The following AGPS variants were observed in gnomAD, a reference collection of about 807,000 sequenced individuals.
The protein encoded by AGPS is alkylglycerone phosphate synthase.
In AGPS, 26 loss-of-function variants were observed where a neutral mutation model predicts 90.7. The ratio of observed to expected loss-of-function variants is 0.29; its 90% CI spans 0.21 to 0.40. The LOEUF (loss-of-function observed/expected upper bound fraction) is 0.40. Among genes scored for constraint, AGPS ranks in the 10% least tolerant of loss-of-function variants. The pLI is 1.00. For missense variants in AGPS, 540 were observed against 816.1 expected (o/e 0.66, Z 4.12); for synonymous variants, 294 against 285.3 (o/e 1.03, Z -0.31).
At chr2:177,521,149 G>A (rs1689180391) in intron 17 of AGPS, 120 bp from the exon 18 acceptor site, 3 of 899,932 alleles carry the variant, frequency 3.3e-6, no homozygotes, top group Non-Finnish European at 5.4e-6. Flanking sequence ...TAGAGGCTGG[G>A]AAGAAACTGA....
intron 17 of AGPS, among the ~76,000 whole-genome samples, chr2:177,514,633 A>C (rs1331820313): frequency 6.6e-6 from 1 of 152,104 alleles, no homozygotes; most frequent in African/African-American, 2.4e-5. Context: ...TGCTAATTGT[A>C]TGTGTGTGTG....
chr2:177,416,044 C>A (rs1685775492), intron 1 of AGPS, among the ~76,000 whole-genome samples: 1 of 151,908 alleles, frequency 6.6e-6, no homozygotes, highest in African/African-American at 2.4e-5. Context: ...ATCATTTTTT[C>A]CTTTTCCTTA....
chr2:177,504,322 A>ATTT (rs10696203), intron 14 of AGPS, among the ~76,000 whole-genome samples: 127,743 of 151,762 alleles, frequency 0.84, 53,950 homozygotes, highest in East Asian at 0.95. Context: ...TGAAACTTGG[A>ATTT]GGCTTTCTAC....
intron 2 of AGPS, among the ~76,000 whole-genome samples, chr2:177,421,291 T>C: frequency 6.6e-6 from 1 of 152,048 alleles, no homozygotes; most frequent in Middle Eastern, 3.2e-3. Context: ...TATTCCAGTA[T>C]TGTACCCTGA....
intron 1 of AGPS, chr2:177,393,395 G>T: frequency 1.0e-6 from 1 of 985,362 alleles, no homozygotes; most frequent in Non-Finnish European, 1.2e-6. Context: ...TCTTGGAATG[G>T]GTAGCAGAGG....
chr2:177,397,973 A>G (rs892604698), intron 1 of AGPS, among the ~76,000 whole-genome samples: 6 of 152,190 alleles, frequency 3.9e-5, no homozygotes, highest in Non-Finnish European at 7.3e-5. Context: ...CAGAGGTTGC[A>G]GTGAGCTGAG....
At chr2:177,420,088 A>T (rs1685902650) in intron 1 of AGPS, among the ~76,000 whole-genome samples, 181 bp from the exon 2 acceptor site, 1 of 151,820 alleles carries the variant, frequency 6.6e-6, no homozygotes, top group Admixed American at 6.6e-5. Flanking sequence ...CATCAGAGTG[A>T]TTCTATATTC....
chr2:177,431,007 A>G (rs1686226674), intron 2 of AGPS, among the ~76,000 whole-genome samples: 1 of 152,190 alleles, frequency 6.6e-6, no homozygotes, highest in African/African-American at 2.4e-5. Flanking sequence ...TTGCTTAGCA[A>G]TTGTGGAACT....
chr2:177,442,573 G>C, intron 7 of AGPS, 87 bp downstream of exon 7: 1 of 1,101,684 alleles, frequency 9.1e-7, no homozygotes, highest in South Asian at 1.3e-5. Flanking sequence ...GCCACTGGGC[G>C]CTGTGGCTCA....
intron 10 of AGPS, among the ~76,000 whole-genome samples, chr2:177,469,340 A>G (rs1350190561): frequency 6.6e-6 from 1 of 152,198 alleles, no homozygotes; most frequent in East Asian, 1.9e-4. Context: ...TGAATAAAAG[A>G]GCAGGTACAA....
chr2:177,404,083 T>C (rs1031016006), intron 1 of AGPS, among the ~76,000 whole-genome samples: 1 of 152,200 alleles, frequency 6.6e-6, no homozygotes, highest in Non-Finnish European at 1.5e-5. Context: ...AATAAAAAAT[T>C]GAAAATCATC....
At chr2:177,434,583 A>G (rs935943917) in intron 3 of AGPS, among the ~76,000 whole-genome samples, 166 bp downstream of exon 3, 2 of 152,170 alleles carry the variant, frequency 1.3e-5, no homozygotes, top group African/African-American at 4.8e-5. Context: ...AGCGGCAGTT[A>G]TTCATTGTCA....
rs150798695 is a variant in AGPS at position 177,422,547 on chromosome 2, C to A, written c.350+2189C>A. On this transcript the variant is annotated intron_variant, in intron 2 of 19. Coordinates refer to ENST00000264167, the MANE Select transcript of AGPS (RefSeq NM_003659.4). Reference sequence around the variant, plus strand: ...TGACTGGAAGAGCCTGCAAGGGAGACCAGGAAAGTGAATATCTGGCAAATT... The same window carrying A: ...TGACTGGAAGAGCCTGCAAGGGAGAACAGGAAAGTGAATATCTGGCAAATT... Among the ~76,000 whole-genome samples the A allele has an allele frequency of 9.9e-5, 15 of 152,186 alleles. 1 individual carries two copies. In the East Asian group the frequency reaches 2.9e-3, roughly 29 times the overall value.
intron 6 of AGPS, among the ~76,000 whole-genome samples, chr2:177,441,814 TAAGAC>T (rs1438613065): frequency 6.6e-6 from 1 of 152,232 alleles, no homozygotes; most frequent in African/African-American, 2.4e-5. Flanking sequence ...CAGTAAATGT[TAAGAC>T]AACAGTGTGT....
intron 5 of AGPS, among the ~76,000 whole-genome samples, chr2:177,437,801 T>C (rs1455403187): frequency 6.6e-6 from 1 of 152,216 alleles, no homozygotes; most frequent in East Asian, 1.9e-4. Flanking sequence ...CTCTCAGTTC[T>C]TAAATGAGAT....
chr2:177,497,921 AG>A (rs1688458005), intron 13 of AGPS, among the ~76,000 whole-genome samples, 156 bp downstream of exon 13: 1 of 151,948 alleles, frequency 6.6e-6, no homozygotes, highest in African/African-American at 2.4e-5. Context: ...TAAGTAAATC[AG>A]GCAGTCAATT....
At chr2:177,536,023 A>G (rs1235906620) in intron 19 of AGPS, among the ~76,000 whole-genome samples, 8 of 152,152 alleles carry the variant, frequency 5.3e-5, no homozygotes, top group Admixed American at 4.6e-4. Flanking sequence ...GACAGAAGTA[A>G]TGATGCACTC....
chr2:177,404,091 A>G (rs1320670979), intron 1 of AGPS, among the ~76,000 whole-genome samples: 1 of 152,218 alleles, frequency 6.6e-6, no homozygotes, highest in Non-Finnish European at 1.5e-5. Flanking sequence ...ATTGAAAATC[A>G]TCGGAATCTT....
intron 13 of AGPS, among the ~76,000 whole-genome samples, chr2:177,498,500 G>T (rs886905710): frequency 1.3e-5 from 2 of 150,622 alleles, no homozygotes; most frequent in Non-Finnish European, 3.0e-5. Flanking sequence ...TGGTGTAAAA[G>T]TTTCAAATTT....
Sources: gnomAD v4.1 joint callset for allele counts (sites outside exome capture counted in the v4.1 genomes callset) on GRCh38, gnomAD v4.1.1 for gene constraint, MANE v1.5 for transcripts, NCBI Gene and HGNC (gene_info 2026-07-23, HGNC 2026-07-21) for gene names.